The following LONRF1 variants were observed in gnomAD, a reference collection of about 807,000 sequenced individuals.
LONRF1 encodes LON peptidase N-terminal domain and RING finger protein 1.
Under a neutral mutation model 85.8 loss-of-function variants are expected in LONRF1, and 37 were observed. That is an observed-to-expected ratio of 0.43 (90% CI 0.33 to 0.57). LONRF1 has a LOEUF of 0.57. Ranked by LOEUF, LONRF1 falls within the 20% of genes least tolerant of loss-of-function variation. The pLI, the probability that LONRF1 is intolerant of heterozygous loss-of-function variation, is 0.04. For missense variants in LONRF1, 1,036 were observed against 978.0 expected, an observed-to-expected ratio of 1.06 and a Z score of -0.79; for synonymous variants, 517 against 390.1, an observed-to-expected ratio of 1.33 and a Z score of -3.83.
Position 12,755,340 on chromosome 8 carries a change from G to C in LONRF1, c.81C>G (p.Phe27Leu), listed in dbSNP as rs1433128905. 1.6e-6 allele frequency: 2 copies of C among 1,249,182 alleles called. No homozygotes were observed. The highest frequency in any genetic ancestry group is 2.0e-6 in the Non-Finnish European group (2 of 992,766). 77.4% of individuals were successfully genotyped at this position (1,249,182 alleles called of 1,614,324 possible). The change falls in exon 1 of 12, where the codon TTC becomes TTG. Residue 27 changes from phenylalanine (F) to leucine (L), a missense_variant. Transcript: ENST00000398246. ...GGCCGCTGCCGCCGCCCACTTCCCA[G>C]AACCGGCCTCGGCCCTGCGGCGCTG... ...MAPAPQGRGR[F>L]WEVGGGSGHR...
Position 12,754,917 on chromosome 8 carries a change from A to C in LONRF1, c.504T>G (p.Ser168Arg). ...GGGCGGTCCCTTCAGCATCAGTGGC[A>C]CTGGCGGTGGCGGGCGGCAGCCGGT... ...CRDRLPPATA[S>R]ATDAEGTAPR... The change falls in exon 1 of 12, where the codon AGT becomes AGG. Residue 168 changes from serine (S) to arginine (R), a missense_variant. Ser to Arg is a moderately radical substitution (Grantham distance 110, BLOSUM62 -1). Around this residue, in one of 3 missense-constraint regions of LONRF1, gnomAD observed 742 missense variants for 614.4 expected, o/e 1.21. Coordinates refer to ENST00000398246, the MANE Select transcript of LONRF1 (RefSeq NM_152271.5). 2.2e-5 allele frequency: 33 copies of C among 1,492,606 alleles called. No homozygotes were observed. Among genetic ancestry groups the C allele is most frequent in the Non-Finnish European group, 2.8e-5 (31 of 1,125,288 alleles). The allele number at this position is 1,492,606 out of a possible 1,614,324, so 92.5% of individuals were successfully genotyped here.
At chr8:12,737,398 T>C (rs1798761396) in intron 4 of LONRF1, 2 of 633,406 alleles carry the variant, frequency 3.2e-6, no homozygotes, top group Non-Finnish European at 5.8e-6. Flanking sequence ...AGCCTGAACA[T>C]ATATCGACTT....
intron 10 of LONRF1, among the ~76,000 whole-genome samples, chr8:12,727,858 G>A (rs868575504): frequency 1.3e-5 from 2 of 152,190 alleles, no homozygotes; most frequent in Non-Finnish European, 2.9e-5. Flanking sequence ...GACTGCCAAC[G>A]TCAGACTAAT....
At position 12,736,711 on chromosome 8, in the gene LONRF1, G is replaced by C. The variant is rs775855461; in HGVS notation, c.1441C>G (p.Leu481Val). The change falls in exon 6 of 12, where the codon CTC (leucine) becomes GTC (valine). Residue 481 changes from leucine (L) to valine (V), a missense_variant. By Grantham distance (32) the Leu-to-Val change is conservative. Coordinates refer to ENST00000398246, the MANE Select transcript of LONRF1 (RefSeq NM_152271.5). The part of the protein sequence containing the change: ...LIDVSDFECS[L>V]CMRLFFEPVT... Reference sequence around the variant, plus strand: ...GTTTTATATGCTTACCTCATGCAGAGAGAACACTCGAAATCTGAGACATCG... The same window carrying C: ...GTTTTATATGCTTACCTCATGCAGACAGAACACTCGAAATCTGAGACATCG... 6.2e-7 allele frequency: 1 copy of C among 1,606,936 alleles called. No homozygotes were observed. Among genetic ancestry groups the C allele is most frequent in the Non-Finnish European group, 8.5e-7 (1 of 1,175,960 alleles).
rs1488014617 is a variant in LONRF1 at position 12,723,254 on chromosome 8, C to T, written c.2164G>A (p.Ala722Thr). ...SMPEREENLQAAPNGPAWCWW... is the reference protein window; with the variant it reads ...SMPEREENLQTAPNGPAWCWW... ...CACCATGCAGGTCCATTAGGGGCTG[C>T]CTAAAAACAATGGACAGTTTATAGC... The change falls in exon 12 of 12, where the codon GCA becomes ACA. Residue 722 changes from alanine to threonine, a missense_variant and splice_region_variant. Coordinates refer to ENST00000398246, the MANE Select transcript of LONRF1 (RefSeq NM_152271.5). The T allele has an allele frequency of 6.2e-7, 1 of 1,603,978 alleles. No homozygotes were observed. The highest frequency in any genetic ancestry group is 8.5e-7 in the Non-Finnish European group (1 of 1,177,078).
At chr8:12,727,273 GTC>G (rs1798349614) in intron 10 of LONRF1, 2 of 144,066 alleles carry the variant, frequency 1.4e-5, no homozygotes, top group Non-Finnish European at 3.0e-5. Context: ...CGCTTTTAAA[GTC>G]TCTGCCTGCT....
Position 12,723,269 on chromosome 8 carries a change from C to T in LONRF1, c.2164-15G>A. On this transcript the variant is annotated splice_polypyrimidine_tract_variant and intron_variant, in intron 11 of 11. Transcript: ENST00000398246. ...TTAGGGGCTGCCTAAAAACAATGGA[C>T]AGTTTATAGCATTAATAAAACAAGG... 1 of 1,579,646 alleles carries T rather than the reference C, an allele frequency of 6.3e-7. No individual in the cohort carries two copies. Among genetic ancestry groups the T allele is most frequent in the Non-Finnish European group, 8.6e-7 (1 of 1,168,330 alleles).
intron 1 of LONRF1, among the ~76,000 whole-genome samples, chr8:12,751,371 G>T (rs530032266): frequency 3.5e-4 from 49 of 139,094 alleles, no homozygotes; most frequent in African/African-American, 1.0e-3. Context: ...CAGTGGTGTG[G>T]TCTCAGCTAA....
chr8:12,751,296 G>GTTTTTTTTTTTTTTTTTTTTT lies in LONRF1; in HGVS notation c.721+3383_721+3403dup, dbSNP rs869038024. Among the ~76,000 whole-genome samples the GTTTTTTTTTTTTTTTTTTTTT allele has an allele frequency of 7.2e-5, 5 of 69,534 alleles. 1 individual carries two copies. The highest frequency in any genetic ancestry group is 1.0e-4 in the African/African-American group (2 of 19,476). 45.6% of individuals were successfully genotyped at this position (69,534 alleles called of 152,430 possible). On this transcript the variant is annotated intron_variant, in intron 1 of 11. Coordinates refer to ENST00000398246, the MANE Select transcript of LONRF1 (RefSeq NM_152271.5). ...TCAAGGATTATATTTTTATTTTTAT[G>GTTTTTTTTTTTTTTTTTTTTT]TTTTTTTTTTTTTTTTTTTTTTTTG... is the stretch of plus-strand genomic sequence containing the variant.
Position 12,723,339 on chromosome 8 carries a change from T to C in LONRF1, c.2164-85A>G, listed in dbSNP as rs149438224. The C allele has an allele frequency of 1.2e-4, 155 of 1,295,940 alleles. 1 individual carries two copies. In the African/African-American group the frequency reaches 2.0e-3, roughly 17 times the overall value. 80.3% of individuals were successfully genotyped at this position (1,295,940 alleles called of 1,614,324 possible). A position where few individuals can be genotyped will look rare whatever the true frequency, so the allele number is the denominator to read the frequency against. On this transcript the variant is annotated intron_variant, in intron 11 of 11. Coordinates refer to ENST00000398246, the MANE Select transcript of LONRF1 (RefSeq NM_152271.5). ...CAAACCACCAAAAAATTACTATTTA[T>C]TGAGCACTTGTACTATGTGCCAGGT...
intron 1 of LONRF1, 35 bp from the exon 2 acceptor site, chr8:12,743,317 T>C (rs757642532): frequency 1.6e-6 from 2 of 1,218,900 alleles, no homozygotes. Context: ...ATGATTATTT[T>C]TAAAAGATTA....
chr8:12,728,833 T>A (rs1397921352), intron 10 of LONRF1, 68 bp downstream of exon 10: 2 of 1,568,472 alleles, frequency 1.3e-6, no homozygotes, highest in Non-Finnish European at 8.7e-7. Flanking sequence ...GAAAATAGCC[T>A]GCATGCCTGT....
chr8:12,748,873 G>C (rs1348401801), intron 1 of LONRF1, among the ~76,000 whole-genome samples: 3 of 149,784 alleles, frequency 2.0e-5, no homozygotes, highest in Non-Finnish European at 4.4e-5. Context: ...CCAGGGTTGA[G>C]CTCAAAGCTG....
At chr8:12,743,107 C>A in intron 2 of LONRF1, 57 bp downstream of exon 2, 1 of 1,054,380 alleles carries the variant, frequency 9.5e-7, no homozygotes. Flanking sequence ...TGAATGAATG[C>A]ATGTCCCTTA....
chr8:12,729,192 A>T lies in LONRF1; in HGVS notation c.1829T>A (p.Val610Asp). The T allele has an allele frequency of 1.2e-6, 2 of 1,613,964 alleles. No individual in the cohort carries two copies. The highest frequency in any genetic ancestry group is 1.7e-6 in the Non-Finnish European group (2 of 1,179,872). The change falls in exon 9 of 12, where the codon GTC becomes GAC. Residue 610 changes from valine to aspartate, a missense_variant. Physicochemically the swap from Val to Asp is radical, Grantham distance 152. Coordinates refer to ENST00000398246, the MANE Select transcript of LONRF1 (RefSeq NM_152271.5). ...QTGTKQFGMC[V>D]SDTQNSFADY... ...AGCATACCTATTTTGTGTATCACTG[A>T]CACACATGCCAAACTGTTTGGTTCC...
intron 10 of LONRF1, 113 bp downstream of exon 10, chr8:12,728,788 T>A: frequency 8.5e-7 from 1 of 1,174,408 alleles, no homozygotes; most frequent in African/African-American, 1.5e-5. Flanking sequence ...ATCACAGTGG[T>A]AAGGCTGTCT....
intron 11 of LONRF1, among the ~76,000 whole-genome samples, chr8:12,724,403 T>C (rs1806071172): frequency 6.6e-6 from 1 of 152,228 alleles, no homozygotes; most frequent in African/African-American, 2.4e-5. Flanking sequence ...CACTAGTTCT[T>C]CAGAAGCACG....
At position 12,743,176 on chromosome 8, in the gene LONRF1, T is replaced by A. The variant is rs1799007840; in HGVS notation, c.828A>T (p.Pro276=). 1 of 1,607,130 alleles carries A rather than the reference T, an allele frequency of 6.2e-7. No homozygotes were observed. The highest frequency in any genetic ancestry group is 8.5e-7 in the Non-Finnish European group (1 of 1,174,166). ...ACAGTAATTTTACCTCAGGCCAATC[T>A]GGAAGTTGAAAAAGAACTGCATTTA... ...EDLNAVLFQL[P]DWPEVYFRKG... The change falls in exon 2 of 12, where the codon CCA becomes CCT. Residue 276 remains proline, a synonymous_variant. Transcript: ENST00000398246.
intron 1 of LONRF1, among the ~76,000 whole-genome samples, chr8:12,745,265 T>A (rs1799564583): frequency 6.6e-6 from 1 of 150,492 alleles, no homozygotes; most frequent in African/African-American, 2.4e-5. Flanking sequence ...TAACTCCTTG[T>A]ATGTAATGCT....
Sources: allele counts gnomAD v4.1 joint callset (sites outside exome capture counted in the v4.1 genomes callset), GRCh38; gene constraint gnomAD v4.1.1; regional missense constraint gnomAD v4.1.1; transcripts MANE v1.5; gene names NCBI Gene and HGNC (gene_info 2026-07-23, HGNC 2026-07-21).